MTMR7: variants seen among roughly 807,000 people sequenced by gnomAD.
The protein encoded by MTMR7 is myotubularin related protein 7.
A neutral mutation model predicts 81.2 loss-of-function variants in MTMR7; 76 were observed. The observed-to-expected ratio is 0.94, with a 90% CI of 0.78 to 1.13. The LOEUF is 1.13. Among genes scored for constraint, MTMR7 ranks in the 50% most tolerant of loss-of-function variants. The probability of loss-of-function intolerance (pLI) is 0.00; values close to 1 mark genes in which losing one functional copy is unlikely to be tolerated. For synonymous variants in MTMR7, 372 were observed against 289.8 expected, an observed-to-expected ratio of 1.28 and a Z score of -2.88; for missense variants, 1,044 against 820.0, an observed-to-expected ratio of 1.27 and a Z score of -3.34.
intron 12 of MTMR7, 23 bp from the exon 13 acceptor site, chr8:17,302,303 G>A (rs6587028): frequency 0.7 from 1,119,844 of 1,608,272 alleles, 392,365 homozygotes; most frequent in African/African-American, 0.88. Flanking sequence ...GCAAAGCGTC[G>A]TGATACCACC....
chr8:17,401,577 G>C (rs1821429871), intron 1 of MTMR7, among the ~76,000 whole-genome samples: 1 of 152,134 alleles, frequency 6.6e-6, no homozygotes, highest in Admixed American at 6.6e-5. Context: ...AAAATGAAAA[G>C]GGGACCAGGA....
chr8:17,413,019 G>A (rs1467636515), intron 1 of MTMR7, among the ~76,000 whole-genome samples: 1 of 152,224 alleles, frequency 6.6e-6, no homozygotes, highest in Admixed American at 6.5e-5. Flanking sequence ...TCACCCTTGT[G>A]TCCACTGCGC....
intron 5 of MTMR7, among the ~76,000 whole-genome samples, chr8:17,342,040 G>A (rs1263671880): frequency 6.6e-6 from 1 of 151,990 alleles, no homozygotes; most frequent in African/African-American, 2.4e-5. Flanking sequence ...TGAAACCGAA[G>A]GACAGCAGGC....
At chr8:17,308,807 G>A (rs2150479973) in intron 10 of MTMR7, among the ~76,000 whole-genome samples, 1 of 152,252 alleles carries the variant, frequency 6.6e-6, no homozygotes, top group East Asian at 1.9e-4. Flanking sequence ...ATCTGGAGTT[G>A]GATATGTCTG....
intron 1 of MTMR7, among the ~76,000 whole-genome samples, chr8:17,389,053 G>A (rs10088485): frequency 0.4 from 60,643 of 151,726 alleles, 12,825 homozygotes; most frequent in Admixed American, 0.56. Context: ...AAAGCTGCAT[G>A]ATTGCCTGCC....
intron 4 of MTMR7, among the ~76,000 whole-genome samples, chr8:17,357,692 T>G (rs1044584564): frequency 5.3e-5 from 8 of 152,222 alleles, no homozygotes; most frequent in African/African-American, 1.9e-4. Context: ...TTTAGAAATG[T>G]AGACATGCTA....
At chr8:17,380,266 A>G (rs1820719339) in intron 1 of MTMR7, among the ~76,000 whole-genome samples, 1 of 152,224 alleles carries the variant, frequency 6.6e-6, no homozygotes, top group South Asian at 2.1e-4. Flanking sequence ...CCAAATAACA[A>G]TAAAAACAAT....
intron 4 of MTMR7, among the ~76,000 whole-genome samples, chr8:17,359,067 A>T (rs1344250201): frequency 4.6e-5 from 7 of 151,894 alleles, no homozygotes; most frequent in African/African-American, 1.4e-4. Context: ...CTAATTTTTT[A>T]AATTGCTTTT....
At chr8:17,314,167 T>A (rs1817935629) in intron 7 of MTMR7, among the ~76,000 whole-genome samples, 1 of 152,196 alleles carries the variant, frequency 6.6e-6, no homozygotes, top group Non-Finnish European at 1.5e-5. Flanking sequence ...AGAGCTAGTG[T>A]TCTGAGTACA....
chr8:17,309,048 G>A (rs1817644106), intron 10 of MTMR7, among the ~76,000 whole-genome samples: 1 of 152,204 alleles, frequency 6.6e-6, no homozygotes, highest in African/African-American at 2.4e-5. Context: ...AGCATTCTCT[G>A]TCTCTTCTAG....
intron 1 of MTMR7, among the ~76,000 whole-genome samples, chr8:17,388,423 T>A (rs1018376834): frequency 6.6e-6 from 1 of 152,224 alleles, no homozygotes; most frequent in African/African-American, 2.4e-5. Flanking sequence ...ATGTATGGAA[T>A]GACCTACTAA....
rs1820475297 is a variant in MTMR7, at chr8:17,373,260, G to A, written c.25-20C>T. 1.2e-6 allele frequency: 2 copies of A among 1,604,552 alleles called. No homozygotes were observed. Among genetic ancestry groups the A allele is most frequent in the Middle Eastern group, 1.7e-4 (1 of 6,024 alleles). ...TTCAACCTAGAGAAATCGGCATGAT[G>A]AAAAGAGTTACCGTAAAGCAGAAGA... On this transcript the variant is annotated intron_variant, in intron 1 of 13. Coordinates refer to ENST00000180173, the MANE Select transcript of MTMR7 (RefSeq NM_004686.5).
rs1188874853 is a variant in MTMR7 at position 17,299,662 on chromosome 8, T to C, written c.*200A>G. 2 of 660,612 alleles carry C rather than the reference T, an allele frequency of 3.0e-6. No individual in the cohort carries two copies. The highest frequency in any genetic ancestry group is 2.8e-5 in the East Asian group (1 of 35,370). 40.9% of individuals were successfully genotyped at this position (660,612 alleles called of 1,614,324 possible). ...TCAAAATGGTGAATAATTTTCCTTATATTTGATAAATGAAATGACTACGTC... is the reference window on the plus strand; with the variant it reads ...TCAAAATGGTGAATAATTTTCCTTACATTTGATAAATGAAATGACTACGTC... On this transcript the variant is annotated 3_prime_UTR_variant, in exon 14 of 14. Coordinates refer to ENST00000180173, the MANE Select transcript of MTMR7 (RefSeq NM_004686.5).
chr8:17,299,747 A>G lies in MTMR7; in HGVS notation c.*115T>C. 7.0e-7 allele frequency: 1 copy of G among 1,432,374 alleles called. No individual in the cohort carries two copies. The highest frequency in any genetic ancestry group is 9.5e-7 in the Non-Finnish European group (1 of 1,056,382). 88.7% of individuals were successfully genotyped at this position (1,432,374 alleles called of 1,614,324 possible). On this transcript the variant is annotated 3_prime_UTR_variant, in exon 14 of 14. Transcript: ENST00000180173. ...TTTTTTCCCTTTTCATAGCTGCATT[A>G]AAGTAGTTCTCAATGACATGCACCA... is the stretch of plus-strand genomic sequence containing the variant.
At chr8:17,347,749 T>C (rs537877293) in intron 5 of MTMR7, among the ~76,000 whole-genome samples, 1 of 152,294 alleles carries the variant, frequency 6.6e-6, no homozygotes, top group Admixed American at 6.5e-5. Flanking sequence ...TCCGCAGAAA[T>C]GGAACTCTAA....
chr8:17,357,036 A>G (rs750356903), intron 4 of MTMR7, among the ~76,000 whole-genome samples: 19 of 152,220 alleles, frequency 1.2e-4, no homozygotes, highest in Non-Finnish European at 2.5e-4. Flanking sequence ...TAACAGCTTT[A>G]TTCATGACAA....
chr8:17,312,829 A>G (rs985791048), intron 8 of MTMR7, among the ~76,000 whole-genome samples: 1 of 152,206 alleles, frequency 6.6e-6, no homozygotes, highest in African/African-American at 2.4e-5. Flanking sequence ...GAACAACACA[A>G]AAGACATTGC....
At chr8:17,321,995 G>C (rs934352656) in intron 7 of MTMR7, among the ~76,000 whole-genome samples, 1 of 151,116 alleles carries the variant, frequency 6.6e-6, no homozygotes. Context: ...CTATGCAATT[G>C]CTGGTGGGGT....
At chr8:17,402,904 A>T (rs560180211) in intron 1 of MTMR7, among the ~76,000 whole-genome samples, 33 of 152,282 alleles carry the variant, frequency 2.2e-4, no homozygotes, top group Admixed American at 1.8e-3. Context: ...CCTTGCCAGC[A>T]TTTGTTATTG....
Sources: allele counts gnomAD v4.1 joint callset (sites outside exome capture counted in the v4.1 genomes callset), GRCh38; gene constraint gnomAD v4.1.1; transcripts MANE v1.5; gene names NCBI Gene and HGNC (gene_info 2026-07-23, HGNC 2026-07-21).